The following LNX1 variants were observed in gnomAD, a reference collection of about 807,000 sequenced individuals.
The protein encoded by LNX1 is ligand of numb-protein X 1, also known as E3 ubiquitin-protein ligase LNX.
A neutral mutation model predicts 68.4 loss-of-function variants in LNX1; 54 were observed. The ratio of observed to expected loss-of-function variants is 0.79; its 90% CI spans 0.63 to 0.99. The LOEUF (loss-of-function observed/expected upper bound fraction) is 0.99. Ranked by LOEUF, LNX1 falls within the 50% of genes least tolerant of loss-of-function variation. LNX1 has a pLI of 0.00. For missense variants in LNX1, 906 were observed against 926.4 expected (o/e 0.98, Z 0.29); for synonymous variants, 336 against 350.0 (o/e 0.96, Z 0.45).
rs1189381019 is a variant in LNX1 at position 53,478,744 on chromosome 4, T to A, written c.1486-2A>T. 4 of 1,612,100 alleles carry A rather than the reference T, an allele frequency of 2.5e-6. No individual in the cohort carries two copies. Among genetic ancestry groups the A allele is most frequent in the Non-Finnish European group, 3.4e-6 (4 of 1,178,910 alleles). Reference sequence around the variant, plus strand: ...ACAAGTAATTGTAGGATGGAGGGGCTGAAGGCACAGATGGAAAAACATGGC... The same window carrying A: ...ACAAGTAATTGTAGGATGGAGGGGCAGAAGGCACAGATGGAAAAACATGGC... On this transcript the variant is annotated splice_acceptor_variant, in intron 7 of 10. Coordinates refer to ENST00000263925, the MANE Select transcript of LNX1 (RefSeq NM_001126328.3). LOFTEE classifies it high-confidence loss of function.
chr4:53,638,990 A>G (rs1273844102), intron 1 of LNX1, among the ~76,000 whole-genome samples: 1 of 152,188 alleles, frequency 6.6e-6, no homozygotes, highest in Non-Finnish European at 1.5e-5. Context: ...ACAGATATAT[A>G]TCCAAAAGAA....
chr4:53,467,363 A>T (rs1397256750), intron 9 of LNX1, among the ~76,000 whole-genome samples: 10 of 152,184 alleles, frequency 6.6e-5, no homozygotes, highest in Non-Finnish European at 1.5e-4. Flanking sequence ...TCAAAGACCA[A>T]AGGTAGATAA....
At chr4:53,572,205 A>G (rs759539158) in intron 2 of LNX1, among the ~76,000 whole-genome samples, 1 of 151,888 alleles carries the variant, frequency 6.6e-6, no homozygotes, top group African/African-American at 2.4e-5. Context: ...TTTCCCACCA[A>G]CGTCTCCCAT....
At chr4:53,513,763 A>C (rs543698872) in intron 2 of LNX1, among the ~76,000 whole-genome samples, 3 of 152,338 alleles carry the variant, frequency 2.0e-5, no homozygotes, top group African/African-American at 7.2e-5. Context: ...CAGTCTCCCA[A>C]GAGGAGTCTT....
intron 1 of LNX1, among the ~76,000 whole-genome samples, chr4:53,640,896 G>A (rs1577824124): frequency 6.6e-6 from 1 of 152,192 alleles, no homozygotes; most frequent in East Asian, 1.9e-4. Flanking sequence ...CTTTTATTTG[G>A]ACAGTCTTTG....
intron 2 of LNX1, among the ~76,000 whole-genome samples, chr4:53,550,019 G>A (rs1161701090): frequency 6.6e-6 from 1 of 152,182 alleles, no homozygotes; most frequent in African/African-American, 2.4e-5. Flanking sequence ...TGAACAGCTT[G>A]GAACTGGAGT....
chr4:53,577,183 G>T (rs1475783241), intron 1 of LNX1, among the ~76,000 whole-genome samples: 1 of 152,110 alleles, frequency 6.6e-6, no homozygotes, highest in African/African-American at 2.4e-5. Flanking sequence ...AGAAACAGTT[G>T]AAAAACAAAC....
chr4:53,591,483 T>A lies in LNX1; in HGVS notation c.-182A>T. 1 of 985,370 alleles carries A rather than the reference T, an allele frequency of 1.0e-6. No homozygotes were observed. Among genetic ancestry groups the A allele is most frequent in the Non-Finnish European group, 1.2e-6 (1 of 830,098 alleles). 61.0% of individuals were successfully genotyped at this position (985,370 alleles called of 1,614,324 possible). ...CGAGCAGCTCCTTGGGCCGCCGGAG[T>A]TGTGACCAGCCTCAACTTCGGTGAA... On this transcript the variant is annotated 5_prime_UTR_variant, in exon 1 of 11. Coordinates refer to ENST00000263925, the MANE Select transcript of LNX1 (RefSeq NM_001126328.3).
intron 2 of LNX1, among the ~76,000 whole-genome samples, chr4:53,599,423 G>A (rs1440640293): frequency 6.6e-6 from 1 of 152,152 alleles, no homozygotes; most frequent in Admixed American, 6.5e-5. Context: ...AAAAGGGGAG[G>A]CCTGAATAAT....
At chr4:53,640,222 A>C (rs1338129616) in intron 1 of LNX1, among the ~76,000 whole-genome samples, 1 of 152,210 alleles carries the variant, frequency 6.6e-6, no homozygotes, top group East Asian at 1.9e-4. Context: ...TATTAAAAAC[A>C]AGAACGACTG....
At chr4:53,487,852 T>G (rs1724413440) in intron 6 of LNX1, among the ~76,000 whole-genome samples, 1 of 152,258 alleles carries the variant, frequency 6.6e-6, no homozygotes, top group Admixed American at 6.5e-5. Context: ...TGGTTTCTTT[T>G]CCAAGTATCT....
intron 2 of LNX1, among the ~76,000 whole-genome samples, chr4:53,569,644 A>G (rs1730989069): frequency 1.3e-5 from 2 of 151,314 alleles, no homozygotes; most frequent in Non-Finnish European, 2.9e-5. Context: ...AATGGCAACA[A>G]AAGACAAAAT....
chr4:53,562,650 G>A (rs1219528901), intron 2 of LNX1, among the ~76,000 whole-genome samples: 1 of 152,132 alleles, frequency 6.6e-6, no homozygotes, highest in African/African-American at 2.4e-5. Flanking sequence ...TCTCCTGTTG[G>A]GCAACAGGTG....
intron 7 of LNX1, among the ~76,000 whole-genome samples, chr4:53,480,527 A>G (rs1275904104): frequency 2.6e-5 from 4 of 152,228 alleles, no homozygotes; most frequent in Non-Finnish European, 2.9e-5. Flanking sequence ...AATAAAGATG[A>G]TCAGTTAAAT....
At position 53,461,159 on chromosome 4, in the gene LNX1, C is replaced by A. The variant is rs1055035920; in HGVS notation, c.2052-117G>T. On this transcript the variant is annotated intron_variant, in intron 10 of 10. Transcript: ENST00000263925. ...CATCTGACCATTTTAATTATGTTAA[C>A]TTCTAATTGAGATATTTCTTGCCTC... is the stretch of plus-strand genomic sequence containing the variant. 4 of 824,592 alleles carry A rather than the reference C, an allele frequency of 4.9e-6. No homozygotes were observed. In the African/African-American group the frequency reaches 5.2e-5, roughly 11 times the overall value. The allele number at this position is 824,592 out of a possible 1,614,324, so 51.1% of individuals were successfully genotyped here.
chr4:53,567,860 A>C lies in LNX1; in HGVS notation c.380+5763T>G, dbSNP rs533249414. Among the ~76,000 whole-genome samples the C allele has an allele frequency of 1.5e-4, 23 of 152,236 alleles. No homozygotes were observed. In the South Asian group the frequency reaches 3.3e-3, roughly 22 times the overall value. On this transcript the variant is annotated intron_variant, in intron 2 of 10. Transcript: ENST00000263925. ...ATACAAACTACCATCAGAGAATACT[A>C]CAAACACCTCTATGCAAATAAACTA...
intron 9 of LNX1, among the ~76,000 whole-genome samples, chr4:53,464,370 A>G (rs771555872): frequency 6.6e-6 from 1 of 152,070 alleles, no homozygotes; most frequent in African/African-American, 2.4e-5. Flanking sequence ...TTCCTAGTTT[A>G]TTGTAGACTA....
intron 9 of LNX1, among the ~76,000 whole-genome samples, chr4:53,466,539 C>T (rs1487382096): frequency 2.6e-5 from 4 of 152,128 alleles, no homozygotes; most frequent in East Asian, 1.9e-4. Flanking sequence ...CAGGGCAAGG[C>T]GTCGCCTCAC....
chr4:53,496,547 G>T, intron 5 of LNX1, 153 bp from the exon 6 acceptor site: 1 of 926,722 alleles, frequency 1.1e-6, no homozygotes, highest in Non-Finnish European at 1.6e-6. Context: ...TTCCAACAGC[G>T]TTTCTAACCC....
Sources: allele counts gnomAD v4.1 joint callset (sites outside exome capture counted in the v4.1 genomes callset), GRCh38; gene constraint gnomAD v4.1.1; transcripts MANE v1.5; gene names NCBI Gene and HGNC (gene_info 2026-07-23, HGNC 2026-07-21).